The following UBE2H variants were observed in gnomAD, a reference collection of about 807,000 sequenced individuals.
The protein encoded by UBE2H is ubiquitin-conjugating enzyme E2 H.
UBE2H carries 3 observed loss-of-function variants against 29.0 expected under a neutral mutation model. The observed-to-expected ratio is 0.10, with a 90% CI of 0.05 to 0.27. UBE2H has a LOEUF of 0.27. UBE2H is among the 10% of genes least tolerant of loss of function. The pLI, the probability that UBE2H is intolerant of heterozygous loss-of-function variation, is 1.00. For missense variants in UBE2H, 68 were observed against 228.2 expected, an observed-to-expected ratio of 0.30 and a Z score of 4.52; for synonymous variants, 69 against 82.9, an observed-to-expected ratio of 0.83 and a Z score of 0.91.
At chr7:129,903,495 G>C (rs556909271) in intron 1 of UBE2H, among the ~76,000 whole-genome samples, 6 of 152,302 alleles carry the variant, frequency 3.9e-5, no homozygotes, top group Non-Finnish European at 8.8e-5. Flanking sequence ...AGGCATAGTG[G>C]CTCATGCCTG....
At chr7:129,923,893 G>C (rs2116475924) in intron 1 of UBE2H, among the ~76,000 whole-genome samples, 1 of 152,256 alleles carries the variant, frequency 6.6e-6, no homozygotes, top group South Asian at 2.1e-4. Context: ...AGAATCAGAA[G>C]ACATTCTTAA....
At chr7:129,848,722 T>C (rs937826538) in intron 5 of UBE2H, among the ~76,000 whole-genome samples, 1 of 152,196 alleles carries the variant, frequency 6.6e-6, no homozygotes, top group African/African-American at 2.4e-5. Context: ...GCCACGCAAG[T>C]CATGAATTTT....
At position 129,881,235 on chromosome 7, in the gene UBE2H, T is replaced by C. The variant is rs1319564553; in HGVS notation, c.54-264A>G. 3.3e-5 allele frequency among the ~76,000 whole-genome samples: 5 copies of C among 152,234 alleles called. No individual in the cohort carries two copies. In the East Asian group the frequency reaches 9.6e-4, roughly 29 times the overall value. ...TGAGCCTAGCCAAAATAATGTCAGTTTACTCCCTGAGTCTTTGTTTTCTCT... is the reference window on the plus strand; with the variant it reads ...TGAGCCTAGCCAAAATAATGTCAGTCTACTCCCTGAGTCTTTGTTTTCTCT... On this transcript the variant is annotated intron_variant, in intron 1 of 6. Coordinates refer to ENST00000355621, the MANE Select transcript of UBE2H (RefSeq NM_003344.4).
chr7:129,933,473 A>G (rs544033680), intron 1 of UBE2H, among the ~76,000 whole-genome samples: 6 of 152,222 alleles, frequency 3.9e-5, no homozygotes, highest in African/African-American at 1.2e-4. Flanking sequence ...TCCCCAATGC[A>G]CAACCTTAAT....
chr7:129,936,662 A>G (rs1344798274), intron 1 of UBE2H, among the ~76,000 whole-genome samples: 1 of 151,754 alleles, frequency 6.6e-6, no homozygotes, highest in Non-Finnish European at 1.5e-5. Context: ...GTCCATTAAG[A>G]TAATCCAGTT....
At chr7:129,935,464 C>T (rs964343191) in intron 1 of UBE2H, among the ~76,000 whole-genome samples, 1 of 148,078 alleles carries the variant, frequency 6.8e-6, no homozygotes, top group Non-Finnish European at 1.5e-5. Context: ...TAATTAAATA[C>T]ATAAAACTTT....
At chr7:129,940,011 G>A (rs75219837) in intron 1 of UBE2H, among the ~76,000 whole-genome samples, 169 of 151,908 alleles carry the variant, frequency 1.1e-3, no homozygotes, top group African/African-American at 3.7e-3. Flanking sequence ...GATTACCAAA[G>A]TTATACTGGC....
chr7:129,838,705 T>C (rs566142879), intron 6 of UBE2H, among the ~76,000 whole-genome samples: 11 of 152,258 alleles, frequency 7.2e-5, no homozygotes, highest in Admixed American at 6.5e-4. Context: ...AATGGCACAG[T>C]CTAGGCTCAC....
chr7:129,855,711 C>T (rs990839553), intron 5 of UBE2H, among the ~76,000 whole-genome samples: 5 of 152,130 alleles, frequency 3.3e-5, no homozygotes, highest in African/African-American at 1.2e-4. Flanking sequence ...AAATAATATA[C>T]AAATACCAGT....
intron 3 of UBE2H, among the ~76,000 whole-genome samples, chr7:129,867,846 T>C (rs955020597): frequency 8.0e-5 from 12 of 150,666 alleles, no homozygotes; most frequent in Non-Finnish European, 1.6e-4. Context: ...CACACTAAAC[T>C]GGAAGCCAGA....
At chr7:129,879,505 TG>T in intron 3 of UBE2H, 62 bp downstream of exon 3, 1 of 1,473,950 alleles carries the variant, frequency 6.8e-7, no homozygotes, top group Non-Finnish European at 9.4e-7. Context: ...TCCCCTGAAA[TG>T]TAAGATTTTT....
At chr7:129,878,250 T>C (rs537832906) in intron 3 of UBE2H, among the ~76,000 whole-genome samples, 1 of 152,206 alleles carries the variant, frequency 6.6e-6, no homozygotes, top group African/African-American at 2.4e-5. Context: ...ACCTCACAGC[T>C]CCACTCCCAC....
At chr7:129,892,540 C>G (rs1478039300) in intron 1 of UBE2H, among the ~76,000 whole-genome samples, 1 of 152,186 alleles carries the variant, frequency 6.6e-6, no homozygotes, top group Non-Finnish European at 1.5e-5. Flanking sequence ...GTATGACCCA[C>G]CGCATCCAGC....
At chr7:129,921,675 G>A (rs1807165276) in intron 1 of UBE2H, among the ~76,000 whole-genome samples, 1 of 127,730 alleles carries the variant, frequency 7.8e-6, no homozygotes, top group African/African-American at 3.0e-5. Context: ...TCTAGCCTGG[G>A]CAACAAGAGA....
intron 3 of UBE2H, among the ~76,000 whole-genome samples, chr7:129,866,091 CTGAG>C (rs1805899738): frequency 1.3e-5 from 2 of 152,182 alleles, no homozygotes; most frequent in African/African-American, 4.8e-5. Context: ...CTTCAGAAAT[CTGAG>C]CCTTTCCTAC....
chr7:129,836,111 A>G, intron 6 of UBE2H, among the ~76,000 whole-genome samples: 1 of 152,232 alleles, frequency 6.6e-6, no homozygotes. Flanking sequence ...ACAAAATTTT[A>G]TGCTAATGAT....
At chr7:129,895,445 T>A (rs900239739) in intron 1 of UBE2H, among the ~76,000 whole-genome samples, 1 of 152,062 alleles carries the variant, frequency 6.6e-6, no homozygotes, top group African/African-American at 2.4e-5. Flanking sequence ...AAAATGACAA[T>A]AGCAACTCAC....
chr7:129,891,953 CTTTT>C (rs753851134), intron 1 of UBE2H, among the ~76,000 whole-genome samples: 38 of 127,114 alleles, frequency 3.0e-4, no homozygotes, highest in Middle Eastern at 4.1e-3. Context: ...CATGCTACAC[CTTTT>C]TTTTTTTTTT....
intron 1 of UBE2H, among the ~76,000 whole-genome samples, chr7:129,888,352 A>T (rs1391604930): frequency 6.6e-6 from 1 of 152,258 alleles, no homozygotes; most frequent in African/African-American, 2.4e-5. Context: ...GATGAAATCC[A>T]TATGTATAAA....
Sources: gnomAD v4.1 joint callset for allele counts (sites outside exome capture counted in the v4.1 genomes callset) on GRCh38, gnomAD v4.1.1 for gene constraint, MANE v1.5 for transcripts, NCBI Gene and HGNC (gene_info 2026-07-23, HGNC 2026-07-21) for gene names.